Variants in TFEC observed in about 807,000 individuals in gnomAD.
TFEC encodes the protein transcription factor EC, also known as class E basic helix-loop-helix protein 34.
A neutral mutation model predicts 41.6 loss-of-function variants in TFEC; 31 were observed. The observed-to-expected ratio is 0.74, with a 90% CI of 0.56 to 1.01. The LOEUF is 1.01. Among genes scored for constraint, TFEC ranks in the 50% least tolerant of loss-of-function variants. The probability of loss-of-function intolerance (pLI) is 0.00; values close to 1 mark genes in which losing one functional copy is unlikely to be tolerated. For missense variants in TFEC, 402 were observed against 404.1 expected (o/e 0.99, Z 0.04); for synonymous variants, 143 against 140.6 (o/e 1.02, Z -0.12).
intron 1 of TFEC, among the ~76,000 whole-genome samples, chr7:115,992,275 G>C (rs995243907): frequency 2.0e-5 from 3 of 151,956 alleles, no homozygotes; most frequent in Non-Finnish European, 4.4e-5. Flanking sequence ...AAATTGACAC[G>C]CTAACATCAC....
intron 3 of TFEC, among the ~76,000 whole-genome samples, chr7:115,961,360 T>C (rs993257521): frequency 4.0e-5 from 6 of 151,532 alleles, no homozygotes; most frequent in African/African-American, 1.5e-4. Flanking sequence ...AATTTTAAAA[T>C]ACAACAGAGA....
intron 1 of TFEC, among the ~76,000 whole-genome samples, chr7:116,019,064 GA>G (rs906214098): frequency 6.7e-5 from 10 of 149,812 alleles, no homozygotes; most frequent in African/African-American, 2.0e-4. Flanking sequence ...AAAGAGTGAG[GA>G]AAAAAAAATA....
rs559541415 is a variant in TFEC at position 116,047,914 on chromosome 7, T to G, written c.198+62794A>C. 2.0e-5 allele frequency among the ~76,000 whole-genome samples: 3 copies of G among 152,276 alleles called. No homozygotes were observed. The South Asian group carries it at 6.2e-4, about 32-fold the overall frequency. ...CAGCAAACTCCAACAGACCTGCAGC[T>G]GAGGGTCCTGACTGTTAGAAGGAAA... is the stretch of plus-strand genomic sequence containing the variant. On this transcript the variant is annotated intron_variant, in intron 3 of 8. Transcript: ENST00000484212.
chr7:115,990,183 A>G (rs940188943), intron 1 of TFEC, among the ~76,000 whole-genome samples: 6 of 152,182 alleles, frequency 3.9e-5, no homozygotes, highest in Admixed American at 1.3e-4. Context: ...TAGAAGGAAA[A>G]CTAACAAAGA....
At position 115,951,147 on chromosome 7, in the gene TFEC, G is replaced by T. The variant is rs185231885; in HGVS notation, c.440-198C>A. Among the ~76,000 whole-genome samples the T allele has an allele frequency of 2.0e-5, 3 of 152,076 alleles. No individual in the cohort carries two copies. In the East Asian group the frequency reaches 5.8e-4, roughly 30 times the overall value. ...TTCAATATTAGAATTATAAATCTATGATTTACACTGTTTTAAAAACATTTT... is the reference window on the plus strand; with the variant it reads ...TTCAATATTAGAATTATAAATCTATTATTTACACTGTTTTAAAAACATTTT... On this transcript the variant is annotated intron_variant, in intron 5 of 7. Coordinates refer to ENST00000265440, the MANE Select transcript of TFEC (RefSeq NM_012252.4).
chr7:116,109,366 C>G lies in TFEC; in HGVS notation c.198+1342G>C, dbSNP rs377045449. Among the ~76,000 whole-genome samples the G allele has an allele frequency of 1.4e-4, 22 of 152,216 alleles. No homozygotes were observed. In the East Asian group the frequency reaches 3.7e-3, roughly 25 times the overall value. On this transcript the variant is annotated intron_variant, in intron 3 of 8. Transcript: ENST00000484212. ...ATCCAGAATCTACAAAGAACTCAAA[C>G]AAATTTACAAGAAAAAAACAAACAA... is the stretch of plus-strand genomic sequence containing the variant.
intron 3 of TFEC, among the ~76,000 whole-genome samples, chr7:116,037,405 T>C (rs11764741): frequency 0.023 from 3,476 of 152,104 alleles, 51 homozygotes; most frequent in Non-Finnish European, 0.034. Context: ...ATCAGTATCA[T>C]ATAGAAAACG....
At chr7:116,060,500 G>A (rs752354816) in intron 3 of TFEC, among the ~76,000 whole-genome samples, 5 of 152,082 alleles carry the variant, frequency 3.3e-5, no homozygotes, top group Non-Finnish European at 5.9e-5. Flanking sequence ...AAAAAATGTG[G>A]TACATATACA....
At chr7:116,153,290 C>G (rs1385689914) in intron 1 of TFEC, among the ~76,000 whole-genome samples, 1 of 152,078 alleles carries the variant, frequency 6.6e-6, no homozygotes, top group Non-Finnish European at 1.5e-5. Context: ...GAGTCTCGTT[C>G]TGTTGCCCAG....
At chr7:116,036,532 A>G (rs935755007) in intron 3 of TFEC, among the ~76,000 whole-genome samples, 1 of 152,102 alleles carries the variant, frequency 6.6e-6, no homozygotes. Flanking sequence ...CACATAGTAG[A>G]GAGTATATAT....
At chr7:115,942,531 T>C (rs1364306820) in intron 6 of TFEC, among the ~76,000 whole-genome samples, 1 of 152,058 alleles carries the variant, frequency 6.6e-6, no homozygotes, top group Non-Finnish European at 1.5e-5. Flanking sequence ...TGAATGGTGA[T>C]CCTGAGCAAT....
intron 3 of TFEC, among the ~76,000 whole-genome samples, chr7:115,959,108 A>G (rs1792394749): frequency 6.6e-6 from 1 of 151,868 alleles, no homozygotes; most frequent in African/African-American, 2.4e-5. Flanking sequence ...ATGAAGAAAT[A>G]TTTATTATGA....
At chr7:115,995,974 G>A (rs995692435) in intron 1 of TFEC, among the ~76,000 whole-genome samples, 2 of 152,110 alleles carry the variant, frequency 1.3e-5, no homozygotes, top group African/African-American at 2.4e-5. Flanking sequence ...AAGCTCTCTG[G>A]GTTTCTGAAT....
At chr7:116,120,459 A>C (rs964317231) in intron 1 of TFEC, 7 of 151,882 alleles carry the variant, frequency 4.6e-5, no homozygotes, top group Admixed American at 6.6e-5. Context: ...ACAGAATTTC[A>C]TGCGCCACCC....
In TFEC at chr7:116,090,964, C is replaced by T. The variant is rs988613035; in HGVS notation, c.198+19744G>A. ...GGGAACATCACACACCAGGGCCTGT[C>T]GGGGGTGGGGGGCAAGGGGAGGGAT... On this transcript the variant is annotated intron_variant, in intron 3 of 8. Coordinates refer to the TFEC transcript ENST00000484212. Among the ~76,000 whole-genome samples, 13 of 127,144 alleles carry T rather than the reference C, an allele frequency of 1.0e-4. No individual in the cohort carries two copies. In the East Asian group the frequency reaches 2.6e-3, roughly 25 times the overall value. The allele number at this position is 127,144 out of a possible 152,430, so 83.4% of individuals were successfully genotyped here.
At position 116,030,751 on chromosome 7, in the gene TFEC, G is replaced by A. The variant is rs150360998; in HGVS notation, c.-191C>T. On this transcript the variant is annotated 5_prime_UTR_variant, in exon 1 of 8. The change creates a new upstream start codon in the 5' untranslated region. Coordinates refer to ENST00000265440, the MANE Select transcript of TFEC (RefSeq NM_012252.4). ...GACAACCAAAGTAAACGATCTAGCC[G>A]TGAGTAATGAATACTTTGGGCTGGT... 576 of 985,386 alleles carry A rather than the reference G, an allele frequency of 5.8e-4. 8 individuals carry two copies. In the African/African-American group the frequency reaches 9.1e-3, roughly 16 times the overall value. 61.0% of individuals were successfully genotyped at this position (985,386 alleles called of 1,614,324 possible). A position where few individuals can be genotyped will look rare whatever the true frequency, so the allele number is the denominator to read the frequency against.
chr7:115,947,946 G>A (rs567394331), intron 6 of TFEC, among the ~76,000 whole-genome samples: 151 of 151,986 alleles, frequency 9.9e-4, no homozygotes, highest in Middle Eastern at 3.4e-3. Flanking sequence ...TTGATAGACC[G>A]CTAGCAAGAC....
At chr7:116,056,701 C>T (rs1796439317) in intron 3 of TFEC, among the ~76,000 whole-genome samples, 1 of 152,108 alleles carries the variant, frequency 6.6e-6, no homozygotes, top group South Asian at 2.1e-4. Context: ...CTTTAACTAA[C>T]TAAATTGTGT....
At chr7:115,991,472 A>G (rs149144622) in intron 1 of TFEC, among the ~76,000 whole-genome samples, 9,988 of 152,276 alleles carry the variant, frequency 0.066, 448 homozygotes, top group Non-Finnish European at 0.092. Flanking sequence ...TGCTGTATTC[A>G]GGAGACCCAT....
Sources: allele counts gnomAD v4.1 joint callset (sites outside exome capture counted in the v4.1 genomes callset), GRCh38; gene constraint gnomAD v4.1.1; transcripts MANE v1.5; gene names NCBI Gene and HGNC (gene_info 2026-07-23, HGNC 2026-07-21).